The following ZNF462 variants were observed in gnomAD, a reference collection of about 807,000 sequenced individuals.
ZNF462 encodes the protein zinc finger PBX1-interacting protein.
Under a neutral mutation model 201.9 loss-of-function variants are expected in ZNF462, and 10 were observed. That is an observed-to-expected ratio of 0.05 (90% CI 0.03 to 0.08). The LOEUF is 0.08. Among genes scored for constraint, ZNF462 ranks in the 10% least tolerant of loss-of-function variants. The pLI is 1.00. For missense variants in ZNF462, 2,523 were observed against 3,168.3 expected, an observed-to-expected ratio of 0.80 and a Z score of 4.89; for synonymous variants, 1,227 against 1,193.3, an observed-to-expected ratio of 1.03 and a Z score of -0.58.
intron 1 of ZNF462, among the ~76,000 whole-genome samples, chr9:106,915,294 G>T (rs1031938725): frequency 1.6e-4 from 24 of 151,612 alleles, no homozygotes; most frequent in African/African-American, 5.8e-4. Flanking sequence ...TTATCATTAA[G>T]GATATATGGA....
At position 107,012,439 on chromosome 9, in the gene ZNF462, C is replaced by CTTTTTTTTTTT. The variant is rs962253808; in HGVS notation, c.*1424_*1434dup. ...GCCTGGAGAACTACTTTCTTTCTTT[C>CTTTTTTTTTTT]TTTTTTTTTTTTTTTTTTTTTTTTT... On this transcript the variant is annotated 3_prime_UTR_variant, in exon 13 of 13. Coordinates refer to ENST00000277225, the MANE Select transcript of ZNF462 (RefSeq NM_021224.6). 8 of 86,310 alleles carry CTTTTTTTTTTT rather than the reference C, an allele frequency of 9.3e-5. No homozygotes were observed. The highest frequency in any genetic ancestry group is 1.7e-4 in the African/African-American group (4 of 23,494). 5.3% of individuals were successfully genotyped at this position (86,310 alleles called of 1,614,324 possible).
intron 7 of ZNF462, among the ~76,000 whole-genome samples, chr9:106,948,266 A>C (rs1468193031): frequency 6.6e-6 from 1 of 152,302 alleles, no homozygotes; most frequent in East Asian, 1.9e-4. Flanking sequence ...GGAGTACTTA[A>C]CACTGGGAAG....
intron 9 of ZNF462, among the ~76,000 whole-genome samples, chr9:106,983,612 A>G (rs1316525169): frequency 6.6e-6 from 1 of 152,344 alleles, no homozygotes; most frequent in East Asian, 1.9e-4. Context: ...TGCTTTGCCA[A>G]CTGCAATGTC....
chr9:106,929,335 C>T lies in ZNF462; in HGVS notation c.5423C>T (p.Thr1808Met), dbSNP rs576534101. The stretch of plus-strand genomic sequence containing the variant: ...GCCAGCAAGTTGGGGGGCTACTTCA[C>T]GGCCGTCTATGCAGATGAGCATGAG... ...QHASKLGGYFTAVYADEHEKP... is the reference protein window; with the variant it reads ...QHASKLGGYFMAVYADEHEKP... The change falls in exon 3 of 13, where the codon ACG becomes ATG. Residue 1808 changes from threonine to methionine, a missense_variant. Thr to Met is a moderately conservative substitution (Grantham distance 81). This residue lies in a region of ZNF462 where 207 missense variants were observed against 231.6 expected (regional missense o/e 0.89). Transcript: ENST00000277225. This position sits in a 1 kb window ranked among gnomAD's most constrained non-coding sequence, Gnocchi z 8.7. 1.1e-5 allele frequency: 17 copies of T among 1,614,124 alleles called. No individual in the cohort carries two copies. The highest frequency in any genetic ancestry group is 2.2e-5 in the South Asian group (2 of 91,082).
At chr9:106,988,534 T>G (rs941661390) in intron 10 of ZNF462, among the ~76,000 whole-genome samples, 17 of 152,196 alleles carry the variant, frequency 1.1e-4, no homozygotes, top group African/African-American at 3.6e-4. Context: ...CTTTTTTGGT[T>G]CCATTTGAAC....
chr9:106,923,670 G>C lies in ZNF462; in HGVS notation c.220+67G>C. 1 of 1,540,148 alleles carries C rather than the reference G, an allele frequency of 6.5e-7. No homozygotes were observed. The highest frequency in any genetic ancestry group is 1.1e-5 in the South Asian group (1 of 87,926). On this transcript the variant is annotated intron_variant, in intron 2 of 12. Coordinates refer to ENST00000277225, the MANE Select transcript of ZNF462 (RefSeq NM_021224.6). This position sits in a 1 kb window ranked among gnomAD's most constrained non-coding sequence, Gnocchi z 5.6. ...TGCTCTTGTTTCCTTTTAGCCTGTA[G>C]CCATGGTTCTTAATATACGTGGCTT...
intron 7 of ZNF462, among the ~76,000 whole-genome samples, chr9:106,959,086 A>G (rs1201282099): frequency 6.6e-6 from 1 of 152,142 alleles, no homozygotes. Context: ...TAACTAACAA[A>G]ATAGGAGTGA....
intron 7 of ZNF462, among the ~76,000 whole-genome samples, chr9:106,953,544 C>T (rs1305034770): frequency 6.6e-6 from 1 of 152,072 alleles, no homozygotes; most frequent in South Asian, 2.1e-4. Flanking sequence ...TTCAGGCTCT[C>T]CTCCAGCCTC....
In ZNF462 at chr9:106,872,411, TG is replaced by T. The variant is rs912630220; in HGVS notation, c.-31+9058del. On this transcript the variant is annotated intron_variant, in intron 1 of 12. Transcript: ENST00000277225. The surrounding 1 kb of genome is among the most constrained non-coding windows in gnomAD (Gnocchi z 4.5). ...GACAGTTTTGCTCTGTCTCCCAGGC[TG>T]GAGTGCAGTGGCACGATCTCCACTT... is the stretch of plus-strand genomic sequence containing the variant. Among the ~76,000 whole-genome samples, 2 of 152,200 alleles carry T rather than the reference TG, an allele frequency of 1.3e-5. No individual in the cohort carries two copies. Among genetic ancestry groups the T allele is most frequent in the Non-Finnish European group, 2.9e-5 (2 of 68,026 alleles).
rs1476948049 is a variant in ZNF462 at position 106,993,930 on chromosome 9, C to G, written c.7057-9364C>G. The stretch of plus-strand genomic sequence containing the variant: ...CAGCCTAAGACAACATCTTTAGGAA[C>G]CTTAAAGTCATGAAGAAAAACAAAC... On this transcript the variant is annotated intron_variant, in intron 10 of 12. Coordinates refer to ENST00000277225, the MANE Select transcript of ZNF462 (RefSeq NM_021224.6). The surrounding 1 kb of genome is among the most constrained non-coding windows in gnomAD (Gnocchi z 4.0). Among the ~76,000 whole-genome samples, 2 of 151,986 alleles carry G rather than the reference C, an allele frequency of 1.3e-5. No individual in the cohort carries two copies. The highest frequency in any genetic ancestry group is 4.8e-5 in the African/African-American group (2 of 41,378).
intron 1 of ZNF462, among the ~76,000 whole-genome samples, chr9:106,888,136 G>T (rs1828406908): frequency 6.6e-6 from 1 of 152,006 alleles, no homozygotes; most frequent in African/African-American, 2.4e-5. Flanking sequence ...CCGCCTCCCG[G>T]GTTCACGCCG....
intron 1 of ZNF462, among the ~76,000 whole-genome samples, chr9:106,910,752 A>T (rs1317554222): frequency 6.7e-6 from 1 of 148,168 alleles, no homozygotes; most frequent in Non-Finnish European, 1.5e-5. Context: ...GCAGTGTGAG[A>T]CAATTAGCCA....
intron 9 of ZNF462, among the ~76,000 whole-genome samples, chr9:106,982,710 C>A (rs1447783577): frequency 1.3e-5 from 2 of 152,192 alleles, no homozygotes; most frequent in East Asian, 3.8e-4. Flanking sequence ...ATACCACCTT[C>A]CACGCTTCCT....
At position 106,936,764 on chromosome 9, in the gene ZNF462, T is replaced by C. The variant is rs938248382; in HGVS notation, c.6235+1143T>C. Among the ~76,000 whole-genome samples the C allele has an allele frequency of 4.6e-5, 7 of 152,352 alleles. No homozygotes were observed. The East Asian group carries it at 1.2e-3, about 25-fold the overall frequency. ...GCCTTAGCCTTGTCAAAAGCACTTT[T>C]ACCAGCGAGAGCTGGGAAGAGATGA... On this transcript the variant is annotated intron_variant, in intron 6 of 12. Coordinates refer to ENST00000277225, the MANE Select transcript of ZNF462 (RefSeq NM_021224.6).
chr9:106,923,401 T>C lies in ZNF462; in HGVS notation c.18T>C (p.Cys6=), dbSNP rs780695006. 3.7e-6 allele frequency: 6 copies of C among 1,614,192 alleles called. No individual in the cohort carries two copies. The South Asian group carries it at 6.6e-5, about 18-fold the overall frequency. Residue 6 remains cysteine, a synonymous_variant, in exon 2 of 13, where the codon TGT becomes TGC. Coordinates refer to ENST00000277225, the MANE Select transcript of ZNF462 (RefSeq NM_021224.6). This position sits in a 1 kb window ranked among gnomAD's most constrained non-coding sequence, Gnocchi z 5.6. ...CCCAGATCATGGAGGTGCTTCAGTG[T>C]GATGGCTGTGATTTCCGAGCCCCGT... MEVLQ[C]DGCDFRAPSY... is the part of the protein sequence containing the mutation.
upstream of ZNF462, among the ~76,000 whole-genome samples, chr9:106,862,518 C>A (rs985984362): frequency 1.3e-5 from 2 of 152,078 alleles, no homozygotes; most frequent in Non-Finnish European, 2.9e-5. This position sits in a 1 kb window ranked among gnomAD's most constrained non-coding sequence, Gnocchi z 4.2. Flanking sequence ...ATCTCATCTC[C>A]CTCTTCCCCT....
chr9:106,948,965 C>G (rs1262104540), intron 7 of ZNF462, among the ~76,000 whole-genome samples: 1 of 152,050 alleles, frequency 6.6e-6, no homozygotes, highest in Non-Finnish European at 1.5e-5. Flanking sequence ...GGCTCACTCA[C>G]CTCCTCAAAA....
chr9:106,880,526 C>G lies in ZNF462; in HGVS notation c.-31+17171C>G, dbSNP rs1828044709. 1.3e-5 allele frequency among the ~76,000 whole-genome samples: 2 copies of G among 152,192 alleles called. No homozygotes were observed. The highest frequency in any genetic ancestry group is 4.8e-5 in the African/African-American group (2 of 41,442). ...TCTAAAATTAGCCACATCTCCTAACCCAAGTGTGGACTTTGTGTTTGTTTA... is the reference window on the plus strand; with the variant it reads ...TCTAAAATTAGCCACATCTCCTAACGCAAGTGTGGACTTTGTGTTTGTTTA... On this transcript the variant is annotated intron_variant, in intron 1 of 12. Coordinates refer to ENST00000277225, the MANE Select transcript of ZNF462 (RefSeq NM_021224.6). The surrounding 1 kb of genome is among the most constrained non-coding windows in gnomAD (Gnocchi z 4.1).
Position 106,972,178 on chromosome 9 carries a change from G to T in ZNF462, c.6601G>T (p.Gly2201Cys). Residue 2201 changes from glycine to cysteine, a missense_variant, in exon 8 of 13, where the codon GGC becomes TGC. By Grantham distance (159) the Gly-to-Cys change is radical. This residue lies in a region of ZNF462 where 228 missense variants were observed against 361.2 expected (regional missense o/e 0.63). Transcript: ENST00000277225. The surrounding 1 kb of genome is among the most constrained non-coding windows in gnomAD (Gnocchi z 4.8). ...LHCEFCEFSS[G>C]YIQSIRRHYR... Reference sequence around the variant, plus strand: ...CTGCGAATTCTGTGAATTCTCCTCCGGCTACATCCAGAGCATCAGGCGTCA... The same window carrying T: ...CTGCGAATTCTGTGAATTCTCCTCCTGCTACATCCAGAGCATCAGGCGTCA... The T allele has an allele frequency of 6.2e-7, 1 of 1,614,144 alleles. No homozygotes were observed. The highest frequency in any genetic ancestry group is 1.3e-5 in the African/African-American group (1 of 75,028).
Sources: allele counts gnomAD v4.1 joint callset (sites outside exome capture counted in the v4.1 genomes callset), GRCh38; gene constraint gnomAD v4.1.1; regional missense constraint gnomAD v4.1.1; non-coding constraint Gnocchi (gnomAD v3.1); transcripts MANE v1.5; gene names NCBI Gene and HGNC (gene_info 2026-07-23, HGNC 2026-07-21).